The following DNAI2 variants were observed in gnomAD, a reference collection of about 807,000 sequenced individuals.
The protein encoded by DNAI2 is dynein, axonemal, intermediate polypeptide 2.
DNAI2 carries 63 observed loss-of-function variants against 74.7 expected under a neutral mutation model. The ratio of observed to expected loss-of-function variants is 0.84; its 90% CI spans 0.69 to 1.04. The LOEUF is 1.04. Ranked by LOEUF, DNAI2 falls within the 50% of genes least tolerant of loss-of-function variation. DNAI2 has a pLI of 0.00. For synonymous variants in DNAI2, 289 were observed against 314.9 expected, an observed-to-expected ratio of 0.92 and a Z score of 0.87; for missense variants, 688 against 803.2, an observed-to-expected ratio of 0.86 and a Z score of 1.73.
chr17:74,306,569 G>A (rs530222468), intron 9 of DNAI2, among the ~76,000 whole-genome samples: 25 of 152,312 alleles, frequency 1.6e-4, no homozygotes, highest in Middle Eastern at 3.4e-3. Context: ...TGGTTCCAGT[G>A]CTTCCCAAAT....
At chr17:74,285,944 TATAC>T (rs1555608153) in intron 3 of DNAI2, among the ~76,000 whole-genome samples, 9 of 70,658 alleles carry the variant, frequency 1.3e-4, no homozygotes, top group Non-Finnish European at 2.8e-4. Flanking sequence ...ATGAGTGCCA[TATAC>T]ACACACACAC....
In DNAI2 at chr17:74,288,700, GGAA is replaced by G. The variant is rs137970711; in HGVS notation, c.468-889_468-887del. On this transcript the variant is annotated intron_variant, in intron 4 of 13. Coordinates refer to ENST00000311014, the MANE Select transcript of DNAI2 (RefSeq NM_023036.6). ...GGAACAGGGATGGGGAGAAGCCTGG[GGAA>G]GAAGGACTCCTCGGCCTTGAAGTCT... is the stretch of plus-strand genomic sequence containing the variant. Among the ~76,000 whole-genome samples, 251 of 152,304 alleles carry G rather than the reference GGAA, an allele frequency of 1.6e-3. 3 individuals carry two copies. The East Asian group carries it at 0.02, about 12-fold the overall frequency.
intron 11 of DNAI2, among the ~76,000 whole-genome samples, chr17:74,311,727 C>T (rs541504909): frequency 3.9e-5 from 6 of 152,332 alleles, no homozygotes; most frequent in South Asian, 2.1e-4. Context: ...GGGCCAAAGC[C>T]GCCATATTTC....
At position 74,291,220 on chromosome 17, in the gene DNAI2, G is replaced by A. The variant is rs957114852; in HGVS notation, c.724+87G>A. On this transcript the variant is annotated intron_variant, in intron 6 of 13. Coordinates refer to ENST00000311014, the MANE Select transcript of DNAI2 (RefSeq NM_023036.6). The stretch of plus-strand genomic sequence containing the variant: ...TTGTTTCCCAGGCTGGAGTGTAGTG[G>A]TGCAATTTTGGCTCACTGCAACCTC... 31 of 1,158,556 alleles carry A rather than the reference G, an allele frequency of 2.7e-5. No homozygotes were observed. The Middle Eastern group carries it at 1.1e-3, about 42-fold the overall frequency. 71.8% of individuals were successfully genotyped at this position (1,158,556 alleles called of 1,614,324 possible).
chr17:74,301,613 C>G (rs1392084502), intron 8 of DNAI2, among the ~76,000 whole-genome samples: 1 of 151,450 alleles, frequency 6.6e-6, no homozygotes, highest in African/African-American at 2.4e-5. Context: ...GAGGTCAAAG[C>G]AGGCTCCTTG....
rs1262236006 is a variant in DNAI2, at chr17:74,299,713, A to T, written c.725-5A>T. 1 of 1,612,786 alleles carries T rather than the reference A, an allele frequency of 6.2e-7. No homozygotes were observed. Among genetic ancestry groups the T allele is most frequent in the Admixed American group, 1.7e-5 (1 of 59,996 alleles). On this transcript the variant is annotated splice_polypyrimidine_tract_variant and splice_region_variant and intron_variant, in intron 6 of 13. Coordinates refer to ENST00000311014, the MANE Select transcript of DNAI2 (RefSeq NM_023036.6). ...CCACTCCTTCTTCATCTCCTTCCTCACCAGCCTGCTGGGACACCCGAAAGG... is the reference window on the plus strand; with the variant it reads ...CCACTCCTTCTTCATCTCCTTCCTCTCCAGCCTGCTGGGACACCCGAAAGG...
intron 12 of DNAI2, among the ~76,000 whole-genome samples, chr17:74,313,293 T>G (rs1567881656): frequency 6.6e-6 from 1 of 152,162 alleles, no homozygotes; most frequent in Non-Finnish European, 1.5e-5. Flanking sequence ...TCCCTCCCCC[T>G]GGGTCTAAAG....
chr17:74,280,645 T>C (rs551778827), intron 1 of DNAI2, among the ~76,000 whole-genome samples: 1 of 152,176 alleles, frequency 6.6e-6, no homozygotes, highest in South Asian at 2.1e-4. Context: ...AGTTGGGTCA[T>C]TGGGTTGGAG....
At chr17:74,311,066 G>A (rs1567877781) in intron 11 of DNAI2, among the ~76,000 whole-genome samples, 6 of 151,558 alleles carry the variant, frequency 4.0e-5, no homozygotes, top group Non-Finnish European at 1.5e-5. Flanking sequence ...TAGAGACAGG[G>A]TCTCCTTATG....
intron 10 of DNAI2, 160 bp downstream of exon 10, chr17:74,309,548 T>TCGAG (rs2053388836): frequency 9.5e-7 from 1 of 1,048,848 alleles, no homozygotes; most frequent in Non-Finnish European, 1.4e-6. Context: ...GCGATTGCTT[T>TCGAG]TGAGCGTGTG....
rs1877687 is a variant in DNAI2 at position 74,274,303 on chromosome 17, A to G, written c.-54A>G. 82,517 of 151,812 alleles carry G rather than the reference A, an allele frequency of 0.54. 22,861 individuals are homozygous for G. Among genetic ancestry groups the G allele is most frequent in the East Asian group, 0.8 (4,118 of 5,144 alleles). The allele number at this position is 151,812 out of a possible 1,614,324, so 9.4% of individuals were successfully genotyped here. ...GCACCGGAGCCGCGACCGTGGATTG[A>G]ACGCTTCCCCAGAGACCCAGAAGCA... is the stretch of plus-strand genomic sequence containing the variant. On this transcript the variant is annotated 5_prime_UTR_variant, in exon 1 of 14. Coordinates refer to ENST00000311014, the MANE Select transcript of DNAI2 (RefSeq NM_023036.6).
chr17:74,309,889 TG>T, intron 10 of DNAI2, 127 bp from the exon 11 acceptor site: 1 of 1,250,208 alleles, frequency 8.0e-7, no homozygotes, highest in Non-Finnish European at 1.2e-6. Flanking sequence ...CTTCATCCTG[TG>T]GGCAGAGGCG....
intron 2 of DNAI2, among the ~76,000 whole-genome samples, chr17:74,284,074 G>T (rs968910362): frequency 2.0e-5 from 3 of 150,868 alleles, no homozygotes; most frequent in African/African-American, 7.3e-5. Context: ...GGAGGCGAAG[G>T]TTGCAGTGAG....
rs139228886 is a variant in DNAI2 at position 74,300,011 on chromosome 17, C to T, written c.864+154C>T. ...TTGCCCAGGCTGGAGTGCAATGGCACGATCTTGGTTCACTGCAACCTCTGC... is the reference window on the plus strand; with the variant it reads ...TTGCCCAGGCTGGAGTGCAATGGCATGATCTTGGTTCACTGCAACCTCTGC... On this transcript the variant is annotated intron_variant, in intron 7 of 13. Coordinates refer to ENST00000311014, the MANE Select transcript of DNAI2 (RefSeq NM_023036.6). The surrounding 1 kb of genome is among the most constrained non-coding windows in gnomAD (Gnocchi z 4.5). 7.1e-3 allele frequency among the ~76,000 whole-genome samples: 1,083 copies of T among 152,318 alleles called. 9 individuals are homozygous for T. Among genetic ancestry groups the T allele is most frequent in the South Asian group, 0.036 (173 of 4,824 alleles).
intron 9 of DNAI2, 27 bp from the exon 10 acceptor site, chr17:74,309,226 A>T: frequency 1.2e-6 from 2 of 1,613,750 alleles, no homozygotes; most frequent in South Asian, 2.2e-5. Context: ...CTGTCCCTCC[A>T]ACCATGATGT....
chr17:74,305,148 C>T (rs2053107449), intron 8 of DNAI2, 71 bp from the exon 9 acceptor site: 1 of 1,539,018 alleles, frequency 6.5e-7, no homozygotes, highest in Admixed American at 1.7e-5. Context: ...AAGCAAGCTC[C>T]TGTCCATGCC....
chr17:74,301,381 A>AT (rs1185248581), intron 8 of DNAI2, among the ~76,000 whole-genome samples: 1 of 152,188 alleles, frequency 6.6e-6, no homozygotes, highest in Non-Finnish European at 1.5e-5. Context: ...CATAGTCATC[A>AT]TGGCACCAAG....
intron 2 of DNAI2, among the ~76,000 whole-genome samples, chr17:74,284,569 C>T (rs904243837): frequency 7.2e-5 from 11 of 152,026 alleles, no homozygotes; most frequent in East Asian, 1.9e-4. Context: ...CCCACCACCA[C>T]GCCCGGCTAA....
intron 9 of DNAI2, among the ~76,000 whole-genome samples, chr17:74,306,707 T>C (rs2053208081): frequency 6.6e-6 from 1 of 152,204 alleles, no homozygotes; most frequent in African/African-American, 2.4e-5. Context: ...AACCTCCACC[T>C]CCCGAGTTCA....
Sources: gnomAD v4.1 joint callset for allele counts (sites outside exome capture counted in the v4.1 genomes callset) on GRCh38, gnomAD v4.1.1 for gene constraint, Gnocchi (gnomAD v3.1) non-coding constraint, MANE v1.5 for transcripts, NCBI Gene and HGNC (gene_info 2026-07-23, HGNC 2026-07-21) for gene names.